The following MAP4K5 variants were observed in gnomAD, a reference collection of about 807,000 sequenced individuals.
MAP4K5 encodes mitogen-activated protein kinase kinase kinase kinase 5.
In MAP4K5, 82 loss-of-function variants were observed where a neutral mutation model predicts 135.6. That is an observed-to-expected ratio of 0.60 (90% CI 0.51 to 0.73). The LOEUF is 0.73. MAP4K5 is among the 30% of genes least tolerant of loss of function. The pLI is 0.00. For synonymous variants in MAP4K5, 347 were observed against 335.0 expected (o/e 1.04, Z -0.39); for missense variants, 907 against 1,010.9 (o/e 0.90, Z 1.39).
intron 30 of MAP4K5, among the ~76,000 whole-genome samples, chr14:50,428,094 G>C (rs1402531110): frequency 2.0e-5 from 3 of 152,158 alleles, no homozygotes; most frequent in Admixed American, 2.0e-4. Context: ...ATTTATGATG[G>C]TCTGAACCTG....
Position 50,504,977 on chromosome 14 carries a change from T to C in MAP4K5, c.109-120A>G, listed in dbSNP as rs1318842841. On this transcript the variant is annotated intron_variant, in intron 2 of 32. Transcript: ENST00000682126. The stretch of plus-strand genomic sequence containing the variant: ...CTTTTATCAAAACTAAAAAACAAAA[T>C]ATTTCCAATAAAATGCTGAGCAAAC... 5.2e-6 allele frequency: 3 copies of C among 571,440 alleles called. No homozygotes were observed. The African/African-American group carries it at 5.9e-5, about 11-fold the overall frequency. 35.4% of individuals were successfully genotyped at this position (571,440 alleles called of 1,614,324 possible).
Position 50,556,089 on chromosome 14 carries a change from T to C in MAP4K5, c.-180+4951A>G, listed in dbSNP as rs566116708. 4.6e-5 allele frequency among the ~76,000 whole-genome samples: 7 copies of C among 152,326 alleles called. No individual in the cohort carries two copies. The South Asian group carries it at 1.2e-3, about 27-fold the overall frequency. On this transcript the variant is annotated intron_variant, in intron 1 of 8. Transcript: ENST00000555216. ...AGGATTTAAAGTACTAAAGTTCAAA[T>C]GGAGTAATACCTTTTCTTCTTTTAT...
intron 3 of MAP4K5, among the ~76,000 whole-genome samples, chr14:50,496,708 T>C (rs1158045437): frequency 1.3e-5 from 2 of 151,702 alleles, no homozygotes; most frequent in African/African-American, 4.8e-5. Context: ...CTGGGTCTTA[T>C]CATGTTGCCC....
intron 2 of MAP4K5, among the ~76,000 whole-genome samples, chr14:50,505,332 T>G (rs758693226): frequency 3.2e-4 from 49 of 152,146 alleles, no homozygotes; most frequent in Non-Finnish European, 5.7e-4. Context: ...GACCCCATCA[T>G]AGTCTTCTAA....
chr14:50,484,882 C>T (rs958694630), intron 5 of MAP4K5, among the ~76,000 whole-genome samples: 5 of 152,044 alleles, frequency 3.3e-5, no homozygotes, highest in Admixed American at 6.6e-5. Flanking sequence ...AAATATTTCA[C>T]GTAATTCTTT....
chr14:50,434,547 G>C lies in MAP4K5; in HGVS notation c.2011C>G (p.Pro671Ala). The C allele has an allele frequency of 6.3e-7, 1 of 1,594,876 alleles. No homozygotes were observed. The highest frequency in any genetic ancestry group is 2.3e-5 in the East Asian group (1 of 44,296). Reference sequence around the variant, plus strand: ...ACCAGCATTTCAAAAACATTCAAAGGACTTGGCAAAGGAAAATCAAAGTGC... The same window carrying C: ...ACCAGCATTTCAAAAACATTCAAAGCACTTGGCAAAGGAAAATCAAAGTGC... ...IKHFDFPLPSPLNVFEMLVIP... is the reference protein window; with the variant it reads ...IKHFDFPLPSALNVFEMLVIP... The change falls in exon 28 of 33, where the codon CCT becomes GCT. Residue 671 changes from proline (P) to alanine (A), a missense_variant. Around this residue, in one of 3 missense-constraint regions of MAP4K5, gnomAD observed 690 missense variants for 777.4 expected, o/e 0.89. Coordinates refer to ENST00000682126, the MANE Select transcript of MAP4K5 (RefSeq NM_006575.6).
At chr14:50,468,955 CTT>C (rs978807379) in intron 9 of MAP4K5, among the ~76,000 whole-genome samples, 173 bp from the exon 10 acceptor site, 19 of 152,150 alleles carry the variant, frequency 1.2e-4, no homozygotes, top group African/African-American at 4.6e-4. Flanking sequence ...CACATACACA[CTT>C]TTAAAATTAA....
chr14:50,560,315 G>C lies in MAP4K5; in HGVS notation c.-180+725C>G, dbSNP rs368925590. On this transcript the variant is annotated intron_variant, in intron 1 of 8. Coordinates refer to the MAP4K5 transcript ENST00000555216. ...AACAGTTGGGGTGAGTAGCAAATGA[G>C]AACTTCTGCAGCCTGCACGGGGTCT... 1 of 1,613,646 alleles carries C rather than the reference G, an allele frequency of 6.2e-7. No homozygotes were observed. Among genetic ancestry groups the C allele is most frequent in the Admixed American group, 1.7e-5 (1 of 59,960 alleles).
chr14:50,525,435 T>G (rs1236431018), intron 2 of MAP4K5, among the ~76,000 whole-genome samples: 1 of 152,188 alleles, frequency 6.6e-6, no homozygotes, highest in Admixed American at 6.5e-5. Flanking sequence ...GGCCTAAATT[T>G]AGTCTTGCAT....
In MAP4K5 at chr14:50,423,174, A is replaced by T; in HGVS notation, c.2400T>A (p.Val800=). 1 of 1,516,516 alleles carries T rather than the reference A, an allele frequency of 6.6e-7. No homozygotes were observed. The highest frequency in any genetic ancestry group is 9.1e-7 in the Non-Finnish European group (1 of 1,098,602). The allele number at this position is 1,516,516 out of a possible 1,614,324, so 93.9% of individuals were successfully genotyped here. ...MQGKSFKSDE[V]TQEISDETRV... is the part of the protein sequence containing the mutation. ...TTGTTTCATCTGAAATCTCCTGGGTAACCTAGGAAAGAAAAATACCTATCA... is the reference window on the plus strand; with the variant it reads ...TTGTTTCATCTGAAATCTCCTGGGTTACCTAGGAAAGAAAAATACCTATCA... The change falls in exon 32 of 33, where the codon GTT becomes GTA. Residue 800 remains valine, a splice_region_variant and synonymous_variant. Transcript: ENST00000682126.
intron 32 of MAP4K5, among the ~76,000 whole-genome samples, chr14:50,421,031 T>A (rs1245277099): frequency 1.2e-4 from 19 of 152,146 alleles, no homozygotes; most frequent in Non-Finnish European, 2.6e-4. Flanking sequence ...CACTTATTTT[T>A]CTAGTGTATG....
At chr14:50,452,105 C>T (rs780003159) in intron 14 of MAP4K5, among the ~76,000 whole-genome samples, 3 of 152,088 alleles carry the variant, frequency 2.0e-5, no homozygotes, top group Admixed American at 6.6e-5. Context: ...GTATTCTGAG[C>T]GTGTTTAAGC....
chr14:50,471,144 C>G (rs1354126013), intron 9 of MAP4K5, among the ~76,000 whole-genome samples: 1 of 152,078 alleles, frequency 6.6e-6, no homozygotes, highest in Non-Finnish European at 1.5e-5. Context: ...GCCCAGCATC[C>G]ATTAGCTATT....
Position 50,420,037 on chromosome 14 carries a change from T to A in MAP4K5, c.2523A>T (p.Gly841=). 6.2e-7 allele frequency: 1 copy of A among 1,609,288 alleles called. No homozygotes were observed. The highest frequency in any genetic ancestry group is 8.5e-7 in the Non-Finnish European group (1 of 1,177,374). ...CTGTTGCTTAGTAACTATTTTCATG[T>A]CCAGCCAAGATGTAGAGATTGCTGT... ...TAHSNLYILA[G]HENSY The change falls in exon 33 of 33, where the codon GGA becomes GGT. Residue 841 remains glycine, a synonymous_variant. Coordinates refer to ENST00000682126, the MANE Select transcript of MAP4K5 (RefSeq NM_006575.6).
In MAP4K5 at chr14:50,466,677, T is replaced by G. The variant is rs902644216; in HGVS notation, c.675-32A>C. ...TAAAAATTATAGTTAAAGAACAATA[T>G]CAAAATTACTACATCTAACAATTAG... On this transcript the variant is annotated intron_variant, in intron 10 of 32. Transcript: ENST00000682126. The G allele has an allele frequency of 4.5e-6, 4 of 898,394 alleles. No homozygotes were observed. In the African/African-American group the frequency reaches 6.6e-5, roughly 15 times the overall value. The allele number at this position is 898,394 out of a possible 1,614,324, so 55.7% of individuals were successfully genotyped here. A position where few individuals can be genotyped will look rare whatever the true frequency, so the allele number is the denominator to read the frequency against.
intron 3 of MAP4K5, among the ~76,000 whole-genome samples, chr14:50,494,520 C>CA (rs1182386798): frequency 3.9e-4 from 60 of 152,120 alleles, no homozygotes; most frequent in African/African-American, 1.4e-3. Context: ...AATAGCTACA[C>CA]AATCCCTATG....
chr14:50,528,089 T>C (rs2038306389), intron 2 of MAP4K5, among the ~76,000 whole-genome samples: 1 of 152,124 alleles, frequency 6.6e-6, no homozygotes, highest in African/African-American at 2.4e-5. Context: ...AAATAAAAGC[T>C]GCTCAGTTGA....
chr14:50,464,845 G>A (rs540758601), intron 11 of MAP4K5, among the ~76,000 whole-genome samples: 9 of 152,300 alleles, frequency 5.9e-5, no homozygotes, highest in Admixed American at 3.9e-4. Context: ...GGTGGCTTGC[G>A]ATAAAGATAA....
intron 3 of MAP4K5, among the ~76,000 whole-genome samples, chr14:50,496,469 A>AAT (rs1296797560): frequency 1.2e-4 from 19 of 152,144 alleles, no homozygotes; most frequent in East Asian, 5.8e-4. Flanking sequence ...TGTTTAAATG[A>AAT]ATATATATAT....
Sources: gnomAD v4.1 joint callset for allele counts (sites outside exome capture counted in the v4.1 genomes callset) on GRCh38, gnomAD v4.1.1 for gene constraint, gnomAD v4.1.1 regional missense constraint, MANE v1.5 for transcripts, NCBI Gene and HGNC (gene_info 2026-07-23, HGNC 2026-07-21) for gene names.